The following CTBP2 variants were observed in gnomAD, a reference collection of about 807,000 sequenced individuals.
CTBP2 encodes C-terminal binding protein 2.
In CTBP2, 30 loss-of-function variants were observed where a neutral mutation model predicts 80.3. The ratio of observed to expected loss-of-function variants is 0.37; its 90% confidence interval spans 0.28 to 0.51. The LOEUF (loss-of-function observed/expected upper bound fraction) is 0.51. Ranked by LOEUF, CTBP2 falls within the 20% of genes least tolerant of loss-of-function variation. The probability of loss-of-function intolerance (pLI) is 0.93; values close to 1 mark genes in which losing one functional copy is unlikely to be tolerated. For missense variants in CTBP2, 1,212 were observed against 1,375.3 expected, an observed-to-expected ratio of 0.88 and a Z score of 1.88; for synonymous variants, 594 against 587.4, an observed-to-expected ratio of 1.01 and a Z score of -0.16.
chr10:125,040,511 A>AT (rs1255522992), intron 2 of CTBP2, among the ~76,000 whole-genome samples: 5 of 149,630 alleles, frequency 3.3e-5, no homozygotes, highest in African/African-American at 1.2e-4. Context: ...AACAACATTT[A>AT]AGGCCCACTC....
chr10:125,025,009 C>T (rs962706567), intron 1 of CTBP2, among the ~76,000 whole-genome samples: 9 of 152,228 alleles, frequency 5.9e-5, no homozygotes, highest in African/African-American at 2.2e-4. Flanking sequence ...GGCCACACAG[C>T]GATGGCAGAG....
rs945325310 is a variant in CTBP2, at chr10:125,066,402, C to T, written c.-101-27247G>A. Among the ~76,000 whole-genome samples, 1 of 152,124 alleles carries T rather than the reference C, an allele frequency of 6.6e-6. No individual in the cohort carries two copies. The highest frequency in any genetic ancestry group is 2.4e-5 in the African/African-American group (1 of 41,436). On this transcript the variant is annotated intron_variant, in intron 2 of 10. Coordinates refer to the CTBP2 transcript ENST00000337195. The surrounding 1 kb of genome is among the most constrained non-coding windows in gnomAD (Gnocchi z 4.1). Reference sequence around the variant, plus strand: ...TGCCTTCTAAGCAGTCAGGTGCATGCACCATGCTAGGTGAGTGCAGGGCAG... The same window carrying T: ...TGCCTTCTAAGCAGTCAGGTGCATGTACCATGCTAGGTGAGTGCAGGGCAG...
Position 125,087,000 on chromosome 10 carries a change from TGAAGA to T in CTBP2, c.-102+23985_-102+23989del, listed in dbSNP as rs80203640. 3.2e-3 allele frequency among the ~76,000 whole-genome samples: 494 copies of T among 152,066 alleles called. 5 individuals carry two copies. Among genetic ancestry groups the T allele is most frequent in the Non-Finnish European group, 6.0e-3 (407 of 68,018 alleles). ...CTCTGAATGGATGGATGACTGAGTC[TGAAGA>T]GATCATGAGCCAGCCCTGATTCTTC... On this transcript the variant is annotated intron_variant, in intron 2 of 10. Transcript: ENST00000337195.
chr10:125,135,701 GC>G (rs1034841637), intron 1 of CTBP2, among the ~76,000 whole-genome samples: 14 of 152,166 alleles, frequency 9.2e-5, no homozygotes, highest in African/African-American at 2.9e-4. Flanking sequence ...AAGTGAAACA[GC>G]CCTGAAAGAT....
At chr10:125,060,392 T>C (rs983964842) in intron 2 of CTBP2, among the ~76,000 whole-genome samples, 1 of 152,226 alleles carries the variant, frequency 6.6e-6, no homozygotes, top group Admixed American at 6.5e-5. Context: ...AAGTACTTTT[T>C]CTTAAAACAT....
intron 3 of CTBP2, among the ~76,000 whole-genome samples, chr10:125,035,419 C>G (rs1300373194): frequency 6.6e-6 from 1 of 152,218 alleles, no homozygotes; most frequent in Non-Finnish European, 1.5e-5. Context: ...GGACTACTCA[C>G]AACTCAGCTG....
At chr10:125,018,758 T>C (rs1956767392) in intron 1 of CTBP2, among the ~76,000 whole-genome samples, 1 of 152,216 alleles carries the variant, frequency 6.6e-6, no homozygotes, top group African/African-American at 2.4e-5. Context: ...TGTTCATATC[T>C]AGCTGGTATT....
intron 7 of CTBP2, 106 bp from the exon 10 acceptor site, chr10:124,992,918 G>A (rs1467501242): frequency 5.0e-6 from 5 of 995,546 alleles, no homozygotes; most frequent in Non-Finnish European, 7.4e-6. Flanking sequence ...TTGTAAAAAT[G>A]TAGAACATCC....
At chr10:124,991,590 C>T (rs1952625754) in intron 8 of CTBP2, among the ~76,000 whole-genome samples, 1 of 152,148 alleles carries the variant, frequency 6.6e-6, no homozygotes, top group African/African-American at 2.4e-5. Flanking sequence ...CTGGTCGTCA[C>T]TGTGGCTACA....
chr10:125,150,751 C>G (rs143686491), intron 1 of CTBP2, among the ~76,000 whole-genome samples: 1 of 150,088 alleles, frequency 6.7e-6, no homozygotes, highest in African/African-American at 2.5e-5. Context: ...GATCCAGAGT[C>G]TGACCCACGT....
intron 1 of CTBP2, among the ~76,000 whole-genome samples, chr10:125,133,960 G>A (rs1856571368): frequency 6.6e-6 from 1 of 152,164 alleles, no homozygotes; most frequent in Non-Finnish European, 1.5e-5. Flanking sequence ...CTGCATGGGT[G>A]ATAAAATGTG....
chr10:125,030,803 A>C (rs1049188496), upstream of CTBP2, among the ~76,000 whole-genome samples: 1 of 152,150 alleles, frequency 6.6e-6, no homozygotes, highest in African/African-American at 2.4e-5. Flanking sequence ...CATTCTCAGG[A>C]GGCAACTTAA....
chr10:125,049,046 G>GACACACACACAC (rs1178000125), intron 2 of CTBP2, among the ~76,000 whole-genome samples: 2,602 of 89,518 alleles, frequency 0.029, 101 homozygotes, highest in East Asian at 0.1. Flanking sequence ...CCTGACCACA[G>GACACACACACAC]ACACACACAC....
At chr10:125,131,402 G>C (rs1856159259) in intron 1 of CTBP2, among the ~76,000 whole-genome samples, 2 of 152,204 alleles carry the variant, frequency 1.3e-5, no homozygotes, top group Non-Finnish European at 2.9e-5. Context: ...ATTTGGGTAG[G>C]TGTGAGGCCC....
chr10:125,005,095 T>C (rs1242225943), intron 1 of CTBP2, among the ~76,000 whole-genome samples: 1 of 152,212 alleles, frequency 6.6e-6, no homozygotes, highest in African/African-American at 2.4e-5. Flanking sequence ...GACTGCATCC[T>C]GTTAAGACTA....
chr10:125,006,682 T>C (rs907660363), intron 1 of CTBP2, among the ~76,000 whole-genome samples: 6 of 152,164 alleles, frequency 3.9e-5, no homozygotes, highest in Non-Finnish European at 8.8e-5. Context: ...CTTCTGACCA[T>C]TTGAGCAAGT....
At chr10:125,047,177 G>T (rs575403825) in intron 2 of CTBP2, among the ~76,000 whole-genome samples, 3 of 152,150 alleles carry the variant, frequency 2.0e-5, no homozygotes, top group South Asian at 2.1e-4. Flanking sequence ...AAAAAAAAGG[G>T]ATAAAAGCAA....
Position 124,984,752 on chromosome 10 carries a change from T to C in CTBP2, c.*4766A>G. The C allele has an allele frequency of 6.2e-7, 1 of 1,608,126 alleles. No homozygotes were observed. Among genetic ancestry groups the C allele is most frequent in the African/African-American group, 1.3e-5 (1 of 74,854 alleles). The stretch of plus-strand genomic sequence containing the variant: ...CTGATCTGTTGTATGATTTTCCCTT[T>C]GTCTTCATATTCCTCCAAAAGCTAG... On this transcript the variant is annotated 3_prime_UTR_variant, in exon 9 of 9. Transcript: ENST00000309035.
intron 2 of CTBP2, among the ~76,000 whole-genome samples, chr10:125,045,727 G>A (rs1223558066): frequency 6.6e-6 from 1 of 152,042 alleles, no homozygotes; most frequent in Non-Finnish European, 1.5e-5. Context: ...CTGACTTCAG[G>A]TGTCCTGACC....
Sources: gnomAD v4.1 joint callset for allele counts (sites outside exome capture counted in the v4.1 genomes callset) on GRCh38, gnomAD v4.1.1 for gene constraint, Gnocchi (gnomAD v3.1) non-coding constraint, MANE v1.5 for transcripts, NCBI Gene and HGNC (gene_info 2026-07-23, HGNC 2026-07-21) for gene names.